C3orf70: variants seen among roughly 807,000 people sequenced by gnomAD.
C3orf70 encodes chromosome 3 open reading frame 70.
A neutral mutation model predicts 20.7 loss-of-function variants in C3orf70; 15 were observed. The ratio of observed to expected loss-of-function variants is 0.72; its 90% CI spans 0.48 to 1.11. C3orf70 has a LOEUF of 1.11. Among genes scored for constraint, C3orf70 ranks in the 50% most tolerant of loss-of-function variants. The pLI is 0.00. For synonymous variants in C3orf70, 161 were observed against 125.7 expected, an observed-to-expected ratio of 1.28 and a Z score of -1.88; for missense variants, 332 against 317.6, an observed-to-expected ratio of 1.05 and a Z score of -0.34.
rs142386898 is a variant in C3orf70 at position 185,092,720 on chromosome 3, C to T, written c.197-9157G>A. On this transcript the variant is annotated intron_variant, in intron 1 of 1. Transcript: ENST00000335012. ...GAAATTATATATTTGGGGCCAGGCA[C>T]GGTGGCTCATACCTGTAATCCCAGC... is the stretch of plus-strand genomic sequence containing the variant. Among the ~76,000 whole-genome samples the T allele has an allele frequency of 5.3e-4, 81 of 152,250 alleles. No homozygotes were observed. In the East Asian group the frequency reaches 0.012, roughly 23 times the overall value.
At chr3:185,152,550 T>C in intron 1 of C3orf70, 78 bp downstream of exon 1, 1 of 1,350,126 alleles carries the variant, frequency 7.4e-7, no homozygotes. Context: ...GGCCGCAGAG[T>C]TCCGGCAGCG....
intron 1 of C3orf70, among the ~76,000 whole-genome samples, chr3:185,131,317 G>T (rs552512008): frequency 6.6e-6 from 1 of 152,262 alleles, no homozygotes; most frequent in South Asian, 2.1e-4. Flanking sequence ...CTATGACTAG[G>T]TGATCATTTC....
intron 1 of C3orf70, among the ~76,000 whole-genome samples, chr3:185,094,212 G>A (rs1195050842): frequency 6.6e-6 from 1 of 150,804 alleles, no homozygotes; most frequent in African/African-American, 2.4e-5. Flanking sequence ...TGAGTAGCTG[G>A]GATTACAGGC....
intron 1 of C3orf70, among the ~76,000 whole-genome samples, chr3:185,146,275 C>T (rs1186346413): frequency 1.7e-5 from 2 of 114,464 alleles, no homozygotes; most frequent in South Asian, 2.9e-4. Flanking sequence ...TTACAACTCT[C>T]ATTTTTTTTT....
At chr3:185,149,598 T>C (rs941353734) in intron 1 of C3orf70, among the ~76,000 whole-genome samples, 1 of 152,224 alleles carries the variant, frequency 6.6e-6, no homozygotes, top group Non-Finnish European at 1.5e-5. Flanking sequence ...GGACTGATAC[T>C]GTAAACTCCA....
chr3:185,089,149 C>T lies in C3orf70; in HGVS notation c.197-5586G>A, dbSNP rs1185433168. Among the ~76,000 whole-genome samples the T allele has an allele frequency of 2.6e-5, 4 of 152,272 alleles. No homozygotes were observed. The East Asian group carries it at 5.8e-4, about 22-fold the overall frequency. On this transcript the variant is annotated intron_variant, in intron 1 of 1. Transcript: ENST00000335012. ...CCACTGATAAACTGAGGCCAACTTG[C>T]GTTATAATTCCCAAATAAATTCAAC... is the stretch of plus-strand genomic sequence containing the variant.
intron 1 of C3orf70, among the ~76,000 whole-genome samples, chr3:185,151,160 A>G (rs1371963545): frequency 6.6e-6 from 1 of 152,254 alleles, no homozygotes; most frequent in Non-Finnish European, 1.5e-5. Flanking sequence ...CATATAAGGA[A>G]GAGTATTTTA....
At chr3:185,150,600 C>T (rs1025065057) in intron 1 of C3orf70, among the ~76,000 whole-genome samples, 3 of 152,178 alleles carry the variant, frequency 2.0e-5, no homozygotes, top group African/African-American at 7.2e-5. Flanking sequence ...CTGACAGCAG[C>T]AAGCTCAGTA....
intron 1 of C3orf70, among the ~76,000 whole-genome samples, chr3:185,130,389 G>C (rs1287148330): frequency 6.6e-6 from 1 of 152,188 alleles, no homozygotes; most frequent in Non-Finnish European, 1.5e-5. Flanking sequence ...GGGAGGCAGA[G>C]CGTGCAGTGA....
chr3:185,132,115 A>G (rs1171566153), intron 1 of C3orf70, among the ~76,000 whole-genome samples: 1 of 152,190 alleles, frequency 6.6e-6, no homozygotes, highest in Admixed American at 6.5e-5. Context: ...GCATCTGGAG[A>G]AAACAAAAGC....
At chr3:185,137,149 CTGA>C (rs1716645817) in intron 1 of C3orf70, among the ~76,000 whole-genome samples, 1 of 152,130 alleles carries the variant, frequency 6.6e-6, no homozygotes, top group South Asian at 2.1e-4. Flanking sequence ...CTCACAACAT[CTGA>C]TGGTTATAAA....
At chr3:185,109,067 C>G (rs1716006928) in intron 1 of C3orf70, among the ~76,000 whole-genome samples, 1 of 152,154 alleles carries the variant, frequency 6.6e-6, no homozygotes, top group African/African-American at 2.4e-5. Context: ...AAGGACAAGC[C>G]ATAGTGGAAA....
chr3:185,095,351 G>A (rs927553966), intron 1 of C3orf70, among the ~76,000 whole-genome samples: 2 of 152,188 alleles, frequency 1.3e-5, no homozygotes, highest in East Asian at 3.8e-4. Flanking sequence ...GATGATTCTC[G>A]TGTAGTTTCC....
chr3:185,107,075 C>A (rs576146339), intron 1 of C3orf70, among the ~76,000 whole-genome samples: 3 of 152,238 alleles, frequency 2.0e-5, no homozygotes, highest in Admixed American at 6.5e-5. Flanking sequence ...CTAATAAACA[C>A]CCTACCTGTG....
intron 1 of C3orf70, among the ~76,000 whole-genome samples, chr3:185,148,455 T>G (rs935158152): frequency 2.0e-5 from 3 of 152,194 alleles, no homozygotes; most frequent in Non-Finnish European, 1.5e-5. Context: ...CCAAATTTAA[T>G]TAACCCTATA....
chr3:185,092,205 G>A (rs1489859187), intron 1 of C3orf70, among the ~76,000 whole-genome samples: 1 of 151,920 alleles, frequency 6.6e-6, no homozygotes, highest in Non-Finnish European at 1.5e-5. Flanking sequence ...ACATGAAAAT[G>A]CTTTCAAAGC....
At chr3:185,084,852 C>T (rs1202770002) in intron 1 of C3orf70, among the ~76,000 whole-genome samples, 1 of 152,174 alleles carries the variant, frequency 6.6e-6, no homozygotes, top group African/African-American at 2.4e-5. Flanking sequence ...TCCTAAAAAT[C>T]CCAGAGACAA....
intron 1 of C3orf70, among the ~76,000 whole-genome samples, chr3:185,130,017 T>C (rs180818603): frequency 9.8e-5 from 15 of 152,348 alleles, no homozygotes; most frequent in African/African-American, 3.1e-4. Context: ...TCTTGTAATA[T>C]AATCCTTTAA....
chr3:185,096,385 C>T (rs1715705399), intron 1 of C3orf70, among the ~76,000 whole-genome samples: 1 of 152,118 alleles, frequency 6.6e-6, no homozygotes, highest in South Asian at 2.1e-4. Context: ...CTCTTCCTTA[C>T]AATAGTTGGG....
Sources: allele counts gnomAD v4.1 joint callset (sites outside exome capture counted in the v4.1 genomes callset), GRCh38; gene constraint gnomAD v4.1.1; transcripts MANE v1.5; gene names NCBI Gene and HGNC (gene_info 2026-07-23, HGNC 2026-07-21).